The following TMEM163 variants were observed in gnomAD, a reference collection of about 807,000 sequenced individuals.
TMEM163 encodes the protein transmembrane protein 163.
Under a neutral mutation model 29.3 loss-of-function variants are expected in TMEM163, and 17 were observed. The ratio of observed to expected loss-of-function variants is 0.58; its 90% CI spans 0.40 to 0.87. The LOEUF (loss-of-function observed/expected upper bound fraction) is 0.87. TMEM163 is among the 40% of genes least tolerant of loss of function. The probability of loss-of-function intolerance (pLI) is 0.00; values close to 1 mark genes in which losing one functional copy is unlikely to be tolerated. For missense variants in TMEM163, 303 were observed against 381.5 expected (o/e 0.79, Z 1.71); for synonymous variants, 157 against 160.6 (o/e 0.98, Z 0.17).
chr2:134,574,615 T>G (rs1558950281), intron 2 of TMEM163, among the ~76,000 whole-genome samples: 1 of 152,180 alleles, frequency 6.6e-6, no homozygotes, highest in African/African-American at 2.4e-5. Context: ...TGTCATCTTT[T>G]CCAAAATTAT....
At chr2:134,467,261 G>A (rs1686690398) in intron 5 of TMEM163, 1 of 152,148 alleles carries the variant, frequency 6.6e-6, no homozygotes, top group Non-Finnish European at 1.5e-5. Flanking sequence ...TCCAAGAGTT[G>A]GAGATTAATC....
intron 2 of TMEM163, among the ~76,000 whole-genome samples, chr2:134,687,689 A>G (rs1167757283): frequency 1.3e-5 from 2 of 152,202 alleles, no homozygotes; most frequent in African/African-American, 4.8e-5. Flanking sequence ...TATAAATCAC[A>G]TACTGTGACC....
At chr2:134,598,932 A>AG (rs36077692) in intron 2 of TMEM163, among the ~76,000 whole-genome samples, 55,250 of 145,630 alleles carry the variant, frequency 0.38, 13,232 homozygotes, top group Non-Finnish European at 0.55. Context: ...AAAAAAAAAA[A>AG]AAAGAAAGAA....
intron 5 of TMEM163, among the ~76,000 whole-genome samples, chr2:134,496,313 C>T (rs548407600): frequency 2.0e-5 from 3 of 152,304 alleles, no homozygotes; most frequent in East Asian, 3.9e-4. Context: ...CTGCCCGCCT[C>T]GGCCTCCCAA....
intron 2 of TMEM163, among the ~76,000 whole-genome samples, chr2:134,703,227 G>A (rs1046484415): frequency 2.6e-5 from 4 of 152,098 alleles, no homozygotes; most frequent in African/African-American, 9.7e-5. Context: ...AAAAAAGTGG[G>A]GAAGGAAGAG....
At chr2:134,688,170 G>T (rs371423056) in intron 2 of TMEM163, among the ~76,000 whole-genome samples, 1 of 152,134 alleles carries the variant, frequency 6.6e-6, no homozygotes, top group Non-Finnish European at 1.5e-5. Context: ...ACTCCTGCCA[G>T]ACTCACAACC....
intron 2 of TMEM163, among the ~76,000 whole-genome samples, chr2:134,700,100 A>G (rs6720798): frequency 0.31 from 46,954 of 151,794 alleles, 9,511 homozygotes; most frequent in African/African-American, 0.57. Context: ...TACACTTTTG[A>G]TAATTTCTGA....
rs530175985 is a variant in TMEM163, at chr2:134,574,828, A to G, written c.323-22737T>C. On this transcript the variant is annotated intron_variant, in intron 2 of 7. Coordinates refer to ENST00000281924, the MANE Select transcript of TMEM163 (RefSeq NM_030923.5). The stretch of plus-strand genomic sequence containing the variant: ...CAGCTGTGTAGGAGATTTGCTGCCT[A>G]AGGGCTCCCAGGTGAGGGATAGAGT... 5.3e-5 allele frequency among the ~76,000 whole-genome samples: 8 copies of G among 152,306 alleles called. No homozygotes were observed. The South Asian group carries it at 1.7e-3, about 32-fold the overall frequency.
chr2:134,456,155 T>C lies in TMEM163; in HGVS notation c.*561A>G, dbSNP rs1686384077. ...GTGTATCACTAAGTACTTTAAAAAA[T>C]AGAATGGTCTCCTTTTGAGCAAATC... On this transcript the variant is annotated 3_prime_UTR_variant, in exon 8 of 8. Transcript: ENST00000281924. 6.5e-6 allele frequency: 1 copy of C among 153,306 alleles called. No homozygotes were observed. The allele number at this position is 153,306 out of a possible 1,614,324, so 9.5% of individuals were successfully genotyped here. A position where few individuals can be genotyped will look rare whatever the true frequency, so the allele number is the denominator to read the frequency against.
In TMEM163 at chr2:134,642,328, T is replaced by C. The variant is rs540008285; in HGVS notation, c.322+70872A>G. On this transcript the variant is annotated intron_variant, in intron 2 of 7. Transcript: ENST00000281924. ...ATTTTTTAGTAAAGATGGGATTTCA[T>C]CATGTCGGCCAGGTTGGTCTCGAAC... is the stretch of plus-strand genomic sequence containing the variant. Among the ~76,000 whole-genome samples the C allele has an allele frequency of 3.3e-5, 5 of 152,162 alleles. No homozygotes were observed. The South Asian group carries it at 8.3e-4, about 25-fold the overall frequency.
intron 2 of TMEM163, among the ~76,000 whole-genome samples, chr2:134,704,715 C>A (rs980218171): frequency 6.6e-6 from 1 of 152,312 alleles, no homozygotes; most frequent in South Asian, 2.1e-4. Context: ...GGCTCCCCCA[C>A]GCTCTTCCCC....
intron 2 of TMEM163, among the ~76,000 whole-genome samples, chr2:134,561,891 G>A (rs770184590): frequency 6.6e-6 from 1 of 152,108 alleles, no homozygotes; most frequent in African/African-American, 2.4e-5. Flanking sequence ...GCTGAGCTGG[G>A]GATACAGCAG....
At chr2:134,702,096 A>C (rs1684717476) in intron 2 of TMEM163, among the ~76,000 whole-genome samples, 1 of 152,040 alleles carries the variant, frequency 6.6e-6, no homozygotes, top group African/African-American at 2.4e-5. Flanking sequence ...TAAAACTGGA[A>C]TCCACCAACA....
At chr2:134,558,790 T>C (rs1165035976) in intron 2 of TMEM163, among the ~76,000 whole-genome samples, 1 of 152,156 alleles carries the variant, frequency 6.6e-6, no homozygotes, top group African/African-American at 2.4e-5. Context: ...CATGCAACAA[T>C]TATCTTGAGC....
chr2:134,481,837 G>A (rs549747629), intron 5 of TMEM163, among the ~76,000 whole-genome samples: 178 of 152,208 alleles, frequency 1.2e-3, no homozygotes, highest in South Asian at 1.9e-3. Context: ...CATTTCTCCC[G>A]TCAAAGTCCA....
intron 2 of TMEM163, among the ~76,000 whole-genome samples, chr2:134,582,213 CA>C (rs981558045): frequency 2.6e-5 from 4 of 152,124 alleles, no homozygotes; most frequent in Non-Finnish European, 2.9e-5. Context: ...GTAAGTTTTG[CA>C]AAATTGTTTT....
intron 2 of TMEM163, among the ~76,000 whole-genome samples, chr2:134,705,474 G>A (rs1187866574): frequency 1.3e-5 from 2 of 152,092 alleles, no homozygotes; most frequent in Non-Finnish European, 2.9e-5. Flanking sequence ...CAACCCTGCT[G>A]ACATATTGAT....
At chr2:134,514,731 C>T (rs1422181240) in intron 4 of TMEM163, among the ~76,000 whole-genome samples, 1 of 152,164 alleles carries the variant, frequency 6.6e-6, no homozygotes, top group African/African-American at 2.4e-5. Context: ...TTCACAGCAC[C>T]TTTGTGTAGG....
intron 2 of TMEM163, among the ~76,000 whole-genome samples, chr2:134,683,774 C>A (rs1057417612): frequency 1.1e-4 from 16 of 152,134 alleles, no homozygotes; most frequent in African/African-American, 3.6e-4. Context: ...ATATGGCCAG[C>A]AACAGGCAAA....
Sources: gnomAD v4.1 joint callset for allele counts (sites outside exome capture counted in the v4.1 genomes callset) on GRCh38, gnomAD v4.1.1 for gene constraint, MANE v1.5 for transcripts, NCBI Gene and HGNC (gene_info 2026-07-23, HGNC 2026-07-21) for gene names.